Variants in UBTD1 observed in about 807,000 individuals in gnomAD.
The protein encoded by UBTD1 is ubiquitin domain containing 1.
A neutral mutation model predicts 21.7 loss-of-function variants in UBTD1; 19 were observed. The observed-to-expected ratio is 0.87, with a 90% confidence interval of 0.61 to 1.28. The LOEUF (loss-of-function observed/expected upper bound fraction) is 1.28. Ranked by LOEUF, UBTD1 falls within the 50% of genes most tolerant of loss-of-function variation. The pLI is 0.00. For synonymous variants in UBTD1, 116 were observed against 135.1 expected, an observed-to-expected ratio of 0.86 and a Z score of 0.98; for missense variants, 282 against 315.1, an observed-to-expected ratio of 0.89 and a Z score of 0.80.
At chr10:97,558,814 T>C (rs1317152156) in intron 1 of UBTD1, among the ~76,000 whole-genome samples, 1 of 152,210 alleles carries the variant, frequency 6.6e-6, no homozygotes, top group African/African-American at 2.4e-5. Flanking sequence ...TTCGATTGCA[T>C]CTAAATAGAT....
At chr10:97,503,155 A>G (rs1453559511) in intron 1 of UBTD1, among the ~76,000 whole-genome samples, 1 of 152,034 alleles carries the variant, frequency 6.6e-6, no homozygotes, top group Non-Finnish European at 1.5e-5. Context: ...GCCTCAAGTA[A>G]TCTTCTTATC....
intron 1 of UBTD1, among the ~76,000 whole-genome samples, chr10:97,539,562 TC>T (rs1564740786): frequency 6.6e-6 from 1 of 151,566 alleles, no homozygotes; most frequent in Non-Finnish European, 1.5e-5. Flanking sequence ...GCCCGTGCAC[TC>T]CAGCCTGGGT....
intron 1 of UBTD1, among the ~76,000 whole-genome samples, chr10:97,529,968 CT>C (rs2040520371): frequency 6.6e-6 from 1 of 152,190 alleles, no homozygotes; most frequent in Non-Finnish European, 1.5e-5. Context: ...CCAGCTTGTT[CT>C]TTGGTACTTG....
At chr10:97,554,003 T>C (rs1168818259) in intron 1 of UBTD1, among the ~76,000 whole-genome samples, 1 of 152,154 alleles carries the variant, frequency 6.6e-6, no homozygotes, top group East Asian at 1.9e-4. Flanking sequence ...CTGGGGGAGC[T>C]TGAGAGGTTT....
chr10:97,553,813 G>GC (rs2040651720), intron 1 of UBTD1, among the ~76,000 whole-genome samples: 1 of 152,198 alleles, frequency 6.6e-6, no homozygotes, highest in Non-Finnish European at 1.5e-5. Flanking sequence ...AGCCACAGAG[G>GC]CCCTACCTGG....
intron 1 of UBTD1, among the ~76,000 whole-genome samples, chr10:97,505,431 G>A (rs2040394247): frequency 6.6e-6 from 1 of 152,198 alleles, no homozygotes; most frequent in Admixed American, 6.5e-5. Context: ...CCACTTTCTT[G>A]AGTGGTAATC....
intron 1 of UBTD1, among the ~76,000 whole-genome samples, chr10:97,503,004 A>G (rs1026779338): frequency 2.0e-5 from 3 of 151,566 alleles, no homozygotes; most frequent in Non-Finnish European, 4.4e-5. Context: ...GCAGCCTTTA[A>G]CTCCTGAGCT....
chr10:97,505,828 G>A (rs1186765241), intron 1 of UBTD1, among the ~76,000 whole-genome samples: 1 of 152,174 alleles, frequency 6.6e-6, no homozygotes, highest in African/African-American at 2.4e-5. Flanking sequence ...ATTATTCCAA[G>A]CTACCAGGAT....
intron 1 of UBTD1, among the ~76,000 whole-genome samples, chr10:97,547,172 C>T (rs565155231): frequency 2.0e-5 from 3 of 152,324 alleles, no homozygotes; most frequent in African/African-American, 7.2e-5. Context: ...CTGTGCCGTT[C>T]GCTTCTAGGC....
rs544455553 is a variant in UBTD1, at chr10:97,531,679, C to T, written c.70+32406C>T. ...CAGCCTTTGGTTAGTCCCCCAGGGGCGATTCTAGGTATCGGGTCCATTCCT... is the reference window on the plus strand; with the variant it reads ...CAGCCTTTGGTTAGTCCCCCAGGGGTGATTCTAGGTATCGGGTCCATTCCT... On this transcript the variant is annotated intron_variant, in intron 1 of 2. Transcript: ENST00000370664. 7.2e-5 allele frequency among the ~76,000 whole-genome samples: 11 copies of T among 152,320 alleles called. No individual in the cohort carries two copies. In the East Asian group the frequency reaches 1.7e-3, roughly 24 times the overall value.
chr10:97,529,659 C>G (rs945700544), intron 1 of UBTD1, among the ~76,000 whole-genome samples: 2 of 152,034 alleles, frequency 1.3e-5, no homozygotes, highest in Non-Finnish European at 2.9e-5. Context: ...GCAGGAGAAT[C>G]AGGCAGGGAG....
chr10:97,509,222 G>A (rs1484504106), intron 1 of UBTD1, among the ~76,000 whole-genome samples: 1 of 152,232 alleles, frequency 6.6e-6, no homozygotes, highest in East Asian at 1.9e-4. Context: ...TGAGGACACT[G>A]AGACTTGGTG....
intron 1 of UBTD1, among the ~76,000 whole-genome samples, chr10:97,526,738 C>T (rs12243704): frequency 2.0e-5 from 3 of 151,458 alleles, no homozygotes; most frequent in African/African-American, 7.3e-5. Context: ...GTAGTCCCAG[C>T]TACTTGGGAG....
At chr10:97,559,870 TA>T (rs1448999767) in intron 1 of UBTD1, among the ~76,000 whole-genome samples, 1 of 152,194 alleles carries the variant, frequency 6.6e-6, no homozygotes, top group Non-Finnish European at 1.5e-5. Context: ...CTTAAACTTT[TA>T]AAACATTAAT....
chr10:97,512,939 T>G (rs1035850064), intron 1 of UBTD1, among the ~76,000 whole-genome samples: 14 of 152,336 alleles, frequency 9.2e-5, no homozygotes, highest in African/African-American at 3.1e-4. Context: ...TGGGGACCCC[T>G]TTTGCAGGCT....
intron 1 of UBTD1, among the ~76,000 whole-genome samples, chr10:97,528,184 C>T (rs1254522835): frequency 1.1e-5 from 1 of 89,748 alleles, no homozygotes; most frequent in African/African-American, 3.9e-5. Context: ...GCTGACTCCC[C>T]CACCTCCCTC....
chr10:97,531,403 T>G (rs1025589612), intron 1 of UBTD1, among the ~76,000 whole-genome samples: 1 of 151,496 alleles, frequency 6.6e-6, no homozygotes, highest in Non-Finnish European at 1.5e-5. Flanking sequence ...AGAGGTGAGG[T>G]TTCCGCCCAG....
intron 1 of UBTD1, among the ~76,000 whole-genome samples, chr10:97,556,989 A>G (rs1439167430): frequency 1.3e-5 from 2 of 152,192 alleles, no homozygotes; most frequent in African/African-American, 4.8e-5. Context: ...TAGCTATGCA[A>G]TACTGTCCAA....
intron 1 of UBTD1, among the ~76,000 whole-genome samples, chr10:97,534,481 A>C (rs1441427186): frequency 6.6e-6 from 1 of 152,076 alleles, no homozygotes; most frequent in Non-Finnish European, 1.5e-5. Flanking sequence ...TTGTCATGAC[A>C]AGGATCTTTT....
Sources: gnomAD v4.1 joint callset for allele counts (sites outside exome capture counted in the v4.1 genomes callset) on GRCh38, gnomAD v4.1.1 for gene constraint, MANE v1.5 for transcripts, NCBI Gene and HGNC (gene_info 2026-07-23, HGNC 2026-07-21) for gene names.